The following ARHGEF10 variants were observed in gnomAD, a reference collection of about 807,000 sequenced individuals.
ARHGEF10 encodes the protein Rho guanine nucleotide exchange factor (GEF) 10.
In ARHGEF10, 140 loss-of-function variants were observed where a neutral mutation model predicts 147.4. That is an observed-to-expected ratio of 0.95 (90% CI 0.83 to 1.09). ARHGEF10 has a LOEUF of 1.09. Among genes scored for constraint, ARHGEF10 ranks in the 50% least tolerant of loss-of-function variants. ARHGEF10 has a pLI of 0.00. For missense variants in ARHGEF10, 2,222 were observed against 1,752.7 expected (o/e 1.27, Z -4.78); for synonymous variants, 902 against 695.8 (o/e 1.30, Z -4.67).
At chr8:1,950,276 C>T (rs908651715) in intron 27 of ARHGEF10, among the ~76,000 whole-genome samples, 2 of 152,166 alleles carry the variant, frequency 1.3e-5, no homozygotes, top group African/African-American at 2.4e-5. Flanking sequence ...TGCTTCCGGA[C>T]GGGCACGGGA....
intron 1 of ARHGEF10, among the ~76,000 whole-genome samples, chr8:1,833,567 C>G (rs1490015992): frequency 6.6e-6 from 1 of 152,206 alleles, no homozygotes; most frequent in African/African-American, 2.4e-5. Flanking sequence ...TTCTTTGGCG[C>G]CCTGTTACCG....
At chr8:1,899,777 T>A (rs553962042) in intron 15 of ARHGEF10, among the ~76,000 whole-genome samples, 21 of 152,382 alleles carry the variant, frequency 1.4e-4, no homozygotes, top group Non-Finnish European at 2.9e-4. Flanking sequence ...TTCTAATACG[T>A]GCGAGACGCT....
At chr8:1,849,318 G>A (rs547541111) in intron 2 of ARHGEF10, among the ~76,000 whole-genome samples, 1 of 150,978 alleles carries the variant, frequency 6.6e-6, no homozygotes, top group East Asian at 2.0e-4. Flanking sequence ...AGGGCATGGG[G>A]CAGCCACGTG....
chr8:1,839,677 A>T (rs1281695477), intron 1 of ARHGEF10, among the ~76,000 whole-genome samples: 56 of 89,790 alleles, frequency 6.2e-4, no homozygotes, highest in East Asian at 2.1e-3. Context: ...TGGTGTGGAA[A>T]CTGGTGTGGG....
chr8:1,913,352 G>A (rs553224006), intron 18 of ARHGEF10, among the ~76,000 whole-genome samples: 1 of 152,264 alleles, frequency 6.6e-6, no homozygotes, highest in African/African-American at 2.4e-5. Flanking sequence ...GTGTACAGGT[G>A]AAGTTCTTAA....
intron 4 of ARHGEF10, among the ~76,000 whole-genome samples, chr8:1,861,498 C>A (rs957877699): frequency 6.6e-6 from 1 of 152,246 alleles, no homozygotes; most frequent in Non-Finnish European, 1.5e-5. Context: ...TTCCCAGGAA[C>A]GCGCTGCAGG....
At chr8:1,882,508 G>C in intron 9 of ARHGEF10, 127 bp from the exon 10 acceptor site, 1 of 831,352 alleles carries the variant, frequency 1.2e-6, no homozygotes, top group Non-Finnish European at 2.0e-6. Context: ...ACCTAGCCCA[G>C]AACTGCACGT....
At chr8:1,854,878 C>G (rs1805432646) in intron 2 of ARHGEF10, among the ~76,000 whole-genome samples, 1 of 152,172 alleles carries the variant, frequency 6.6e-6, no homozygotes, top group Non-Finnish European at 1.5e-5. Flanking sequence ...TCCGAGAACG[C>G]ATGCGGTTCT....
chr8:1,826,096 A>G (rs937297827), intron 1 of ARHGEF10: 3 of 1,593,998 alleles, frequency 1.9e-6, no homozygotes, highest in Non-Finnish European at 2.5e-6. Flanking sequence ...CGGATGCATA[A>G]CTCTTTATAG....
chr8:1,898,620 C>A, intron 15 of ARHGEF10, 95 bp downstream of exon 15: 1 of 1,233,310 alleles, frequency 8.1e-7, no homozygotes, highest in Non-Finnish European at 1.2e-6. Context: ...GGAATGGCTG[C>A]CCCTCGGGCC....
intron 21 of ARHGEF10, among the ~76,000 whole-genome samples, chr8:1,924,268 C>T (rs764754652): frequency 2.0e-5 from 3 of 152,134 alleles, no homozygotes; most frequent in Admixed American, 6.5e-5. Context: ...CACTGAGAAG[C>T]AAAACACAGG....
chr8:1,844,465 T>TCCCTGGGGCCTGCTG (rs1329433075), intron 2 of ARHGEF10, among the ~76,000 whole-genome samples: 1 of 151,354 alleles, frequency 6.6e-6, no homozygotes, highest in African/African-American at 2.4e-5. Flanking sequence ...AATCCAGGGG[T>TCCCTGGGGCCTGCTG]GAGCAGTGGC....
chr8:1,920,632 C>G (rs901969426), intron 18 of ARHGEF10, among the ~76,000 whole-genome samples: 2 of 152,166 alleles, frequency 1.3e-5, no homozygotes, highest in African/African-American at 2.4e-5. Flanking sequence ...CCAGCCTATA[C>G]TTGTGTTACA....
chr8:1,843,310 T>C, intron 1 of ARHGEF10, 43 bp from the exon 2 acceptor site: 12 of 1,525,002 alleles, frequency 7.9e-6, no homozygotes, highest in Non-Finnish European at 9.9e-6. Flanking sequence ...AGTGCATGTT[T>C]ATCCACCTGA....
At position 1,830,790 on chromosome 8, in the gene ARHGEF10, G is replaced by T. The variant is rs547584848; in HGVS notation, c.-48+6677G>T. On this transcript the variant is annotated intron_variant, in intron 1 of 28. Coordinates refer to ENST00000349830, the MANE Select transcript of ARHGEF10 (RefSeq NM_014629.4). ...AAGGTGGAGAAATAAGGCATACACG[G>T]GGCTACAAGGTGCGGAGAGGAGGGA... Among the ~76,000 whole-genome samples, 5 of 152,320 alleles carry T rather than the reference G, an allele frequency of 3.3e-5. No homozygotes were observed. The South Asian group carries it at 1.0e-3, about 32-fold the overall frequency.
At chr8:1,887,019 A>G (rs1433918204) in intron 11 of ARHGEF10, among the ~76,000 whole-genome samples, 1 of 152,122 alleles carries the variant, frequency 6.6e-6, no homozygotes, top group Non-Finnish European at 1.5e-5. Flanking sequence ...AGGAGTTATA[A>G]AAGGGGTTCA....
chr8:1,926,613 A>G (rs1812715070), intron 23 of ARHGEF10, 150 bp downstream of exon 23: 1 of 737,056 alleles, frequency 1.4e-6, no homozygotes, highest in Non-Finnish European at 2.4e-6. Context: ...ACTTCTTTGA[A>G]AGGGAGCTGA....
chr8:1,946,842 G>A lies in ARHGEF10; in HGVS notation c.3397+1187G>A, dbSNP rs947581266. On this transcript the variant is annotated intron_variant, in intron 27 of 28. Transcript: ENST00000349830. ...TGTTCCTCGGGGCCTCCGTGTCCCC[G>A]CCGCACTCCCACTGGAGATGGGAGG... is the stretch of plus-strand genomic sequence containing the variant. Among the ~76,000 whole-genome samples, 6 of 152,170 alleles carry A rather than the reference G, an allele frequency of 3.9e-5. No individual in the cohort carries two copies. In the South Asian group the frequency reaches 8.3e-4, roughly 21 times the overall value.
chr8:1,833,550 C>T (rs575982576), intron 1 of ARHGEF10, among the ~76,000 whole-genome samples: 3 of 152,328 alleles, frequency 2.0e-5, no homozygotes, highest in Admixed American at 6.5e-5. Flanking sequence ...ACGGCTGCCT[C>T]TGGCTCTTCT....
Sources: allele counts gnomAD v4.1 joint callset (sites outside exome capture counted in the v4.1 genomes callset), GRCh38; gene constraint gnomAD v4.1.1; transcripts MANE v1.5; gene names NCBI Gene and HGNC (gene_info 2026-07-23, HGNC 2026-07-21).